Variants in IQSEC1 observed in about 807,000 individuals in gnomAD.
IQSEC1 encodes the protein IQ motif and Sec7 domain ArfGEF 1.
Under a neutral mutation model 91.0 loss-of-function variants are expected in IQSEC1, and 31 were observed. The ratio of observed to expected loss-of-function variants is 0.34; its 90% CI spans 0.26 to 0.46. The LOEUF is 0.46. Ranked by LOEUF, IQSEC1 falls within the 20% of genes least tolerant of loss-of-function variation. The pLI is 1.00. For missense variants in IQSEC1, 1,388 were observed against 1,575.6 expected, an observed-to-expected ratio of 0.88 and a Z score of 2.02; for synonymous variants, 699 against 662.6, an observed-to-expected ratio of 1.05 and a Z score of -0.84.
intron 2 of IQSEC1, among the ~76,000 whole-genome samples, chr3:13,120,147 C>T (rs1161306740): frequency 6.6e-6 from 1 of 152,210 alleles, no homozygotes; most frequent in Non-Finnish European, 1.5e-5. Flanking sequence ...GAGGAGGCTG[C>T]ACAGAGCCAG....
At chr3:13,174,384 C>CTA (rs962491247) in intron 1 of IQSEC1, among the ~76,000 whole-genome samples, 102 of 152,310 alleles carry the variant, frequency 6.7e-4, no homozygotes, top group African/African-American at 2.4e-3. Context: ...CCACTGGAGA[C>CTA]TATACAGCCA....
At chr3:12,910,118 C>A (rs1267310863) in intron 10 of IQSEC1, among the ~76,000 whole-genome samples, 1 of 152,236 alleles carries the variant, frequency 6.6e-6, no homozygotes, top group East Asian at 1.9e-4. Context: ...TGACACCAAA[C>A]CTTCTGATTT....
chr3:13,210,673 C>A (rs926951925), intron 1 of IQSEC1, among the ~76,000 whole-genome samples: 1 of 152,152 alleles, frequency 6.6e-6, no homozygotes, highest in African/African-American at 2.4e-5. Context: ...ACAGCCGGGG[C>A]TCCTCCGCTC....
chr3:13,003,172 G>A (rs1479583785), intron 1 of IQSEC1, among the ~76,000 whole-genome samples: 5 of 150,806 alleles, frequency 3.3e-5, no homozygotes, highest in South Asian at 4.2e-4. Context: ...AAGACCAGGC[G>A]CAGTGGCTCA....
intron 1 of IQSEC1, among the ~76,000 whole-genome samples, chr3:12,949,031 A>G (rs1225814038): frequency 1.3e-5 from 2 of 152,170 alleles, no homozygotes; most frequent in Middle Eastern, 3.2e-3. Flanking sequence ...TTTAAAATAC[A>G]TGACCTGTAA....
At chr3:13,057,096 C>T (rs1345973904) in intron 1 of IQSEC1, among the ~76,000 whole-genome samples, 2 of 152,140 alleles carry the variant, frequency 1.3e-5, no homozygotes, top group African/African-American at 4.8e-5. Flanking sequence ...AATGCATACA[C>T]GTTCCCCTGG....
chr3:12,907,037 A>G (rs754219923), intron 12 of IQSEC1, among the ~76,000 whole-genome samples: 10 of 152,168 alleles, frequency 6.6e-5, no homozygotes, highest in Non-Finnish European at 1.5e-4. Flanking sequence ...GGAAGATATT[A>G]CTGGCAACCA....
At chr3:13,171,899 G>A (rs1266769667) in intron 1 of IQSEC1, among the ~76,000 whole-genome samples, 1 of 152,184 alleles carries the variant, frequency 6.6e-6, no homozygotes, top group Non-Finnish European at 1.5e-5. Context: ...GGGCCAAAGG[G>A]TCAGGGGTGG....
chr3:13,064,614 C>A (rs1463312943), intron 1 of IQSEC1, among the ~76,000 whole-genome samples: 2 of 152,230 alleles, frequency 1.3e-5, no homozygotes, highest in African/African-American at 4.8e-5. Context: ...TGAATGGTGG[C>A]AGCTCTTGGC....
At chr3:13,137,083 C>T (rs1706723884) in intron 2 of IQSEC1, among the ~76,000 whole-genome samples, 1 of 152,170 alleles carries the variant, frequency 6.6e-6, no homozygotes, top group African/African-American at 2.4e-5. Context: ...CTGCAGTGAG[C>T]CATGATCCTG....
chr3:12,974,128 A>G (rs989751128), intron 1 of IQSEC1, among the ~76,000 whole-genome samples: 6 of 152,186 alleles, frequency 3.9e-5, no homozygotes, highest in Non-Finnish European at 7.3e-5. Context: ...TGTCCCCCGC[A>G]AGGAGAAATG....
chr3:13,265,057 G>A (rs1229656483), intron 1 of IQSEC1, among the ~76,000 whole-genome samples: 2 of 152,192 alleles, frequency 1.3e-5, no homozygotes, highest in East Asian at 1.9e-4. Flanking sequence ...GAAAGCAGAG[G>A]AGCACCATTT....
At chr3:13,163,440 C>T (rs1216075293) in intron 2 of IQSEC1, among the ~76,000 whole-genome samples, 2 of 152,186 alleles carry the variant, frequency 1.3e-5, no homozygotes, top group Non-Finnish European at 2.9e-5. Flanking sequence ...ATGCTGACCC[C>T]CATCTCCCAT....
At chr3:13,165,512 G>C (rs1011473818) in intron 1 of IQSEC1, among the ~76,000 whole-genome samples, 1 of 119,184 alleles carries the variant, frequency 8.4e-6, no homozygotes, top group Non-Finnish European at 1.7e-5. Flanking sequence ...GAAAGCAAGC[G>C]GGGGGGTGGG....
At chr3:12,919,960 G>A (rs1479207837) in intron 6 of IQSEC1, among the ~76,000 whole-genome samples, 1 of 152,224 alleles carries the variant, frequency 6.6e-6, no homozygotes, top group East Asian at 1.9e-4. Flanking sequence ...GCCAGCAGCC[G>A]GAAGCCGCAC....
At chr3:13,097,203 C>G (rs1178212343) in intron 2 of IQSEC1, among the ~76,000 whole-genome samples, 1 of 152,226 alleles carries the variant, frequency 6.6e-6, no homozygotes, top group Non-Finnish European at 1.5e-5. Flanking sequence ...TGCAAACCTT[C>G]CAGAGGGAAG....
chr3:13,262,592 T>A (rs1268923736), intron 1 of IQSEC1, among the ~76,000 whole-genome samples: 9 of 152,126 alleles, frequency 5.9e-5, no homozygotes, highest in Admixed American at 5.9e-4. Flanking sequence ...GAAAGCAGGG[T>A]CTTGAAGAAG....
At chr3:13,242,004 C>G (rs1458460015) in intron 1 of IQSEC1, among the ~76,000 whole-genome samples, 2 of 152,194 alleles carry the variant, frequency 1.3e-5, no homozygotes, top group Admixed American at 1.3e-4. Context: ...ATGTGCTTTA[C>G]CACAACGTAT....
At chr3:12,965,687 C>T (rs574168554) in intron 1 of IQSEC1, among the ~76,000 whole-genome samples, 3 of 152,160 alleles carry the variant, frequency 2.0e-5, no homozygotes, top group Non-Finnish European at 2.9e-5. Context: ...ATGAGATGCC[C>T]GGAGGGACTT....
Sources: allele counts gnomAD v4.1 joint callset (sites outside exome capture counted in the v4.1 genomes callset), GRCh38; gene constraint gnomAD v4.1.1; transcripts MANE v1.5; gene names NCBI Gene and HGNC (gene_info 2026-07-23, HGNC 2026-07-21).